NINL: variants seen among roughly 807,000 people sequenced by gnomAD.
NINL encodes ninein-like protein.
A neutral mutation model predicts 160.3 loss-of-function variants in NINL; 153 were observed. The observed-to-expected ratio is 0.95, with a 90% CI of 0.84 to 1.09. The LOEUF (loss-of-function observed/expected upper bound fraction) is 1.09, where lower values mean the gene tolerates loss of function less well. Ranked by LOEUF, NINL falls within the 50% of genes least tolerant of loss-of-function variation. The pLI, the probability that NINL is intolerant of heterozygous loss-of-function variation, is 0.00. For synonymous variants in NINL, 800 were observed against 734.8 expected, an observed-to-expected ratio of 1.09 and a Z score of -1.43; for missense variants, 1,829 against 1,764.0, an observed-to-expected ratio of 1.04 and a Z score of -0.66.
chr20:25,582,210 G>A (rs1453722675), intron 1 of NINL, among the ~76,000 whole-genome samples: 1 of 152,122 alleles, frequency 6.6e-6, no homozygotes, highest in Admixed American at 6.5e-5. Flanking sequence ...AGCCGAGATC[G>A]CGCCACTGCA....
chr20:25,466,318 G>A (rs953793757), intron 19 of NINL, among the ~76,000 whole-genome samples: 2 of 151,970 alleles, frequency 1.3e-5, no homozygotes, highest in African/African-American at 4.8e-5. Flanking sequence ...CACTGCACCC[G>A]GCCTGTAACT....
At chr20:25,499,648 G>T (rs1225162162) in intron 8 of NINL, among the ~76,000 whole-genome samples, 2 of 152,126 alleles carry the variant, frequency 1.3e-5, no homozygotes, top group African/African-American at 4.8e-5. Flanking sequence ...CATCTTGGGG[G>T]ACTCGGTAAC....
At chr20:25,497,858 C>G (rs544450789) in intron 9 of NINL, among the ~76,000 whole-genome samples, 1 of 152,286 alleles carries the variant, frequency 6.6e-6, no homozygotes, top group East Asian at 1.9e-4. Flanking sequence ...TCAGTGGGGG[C>G]CCCCAACATA....
intron 1 of NINL, among the ~76,000 whole-genome samples, chr20:25,543,463 G>A (rs1003641490): frequency 6.6e-6 from 1 of 152,190 alleles, no homozygotes; most frequent in African/African-American, 2.4e-5. Flanking sequence ...AGGTAGGAGT[G>A]AGGCAGGAGA....
At chr20:25,568,118 A>AAT (rs2065014927) in intron 1 of NINL, among the ~76,000 whole-genome samples, 1 of 152,024 alleles carries the variant, frequency 6.6e-6, no homozygotes, top group African/African-American at 2.4e-5. Flanking sequence ...ATAGAAAAAA[A>AAT]ATCAGTAAAA....
At chr20:25,489,352 G>A (rs781447347) in intron 12 of NINL, 28 bp from the exon 13 acceptor site, 17 of 1,607,620 alleles carry the variant, frequency 1.1e-5, no homozygotes, top group Admixed American at 5.0e-5. Context: ...AGGAAGTCAC[G>A]GGTGGGCCTC....
intron 4 of NINL, among the ~76,000 whole-genome samples, chr20:25,511,843 C>A (rs954538237): frequency 1.3e-5 from 2 of 152,230 alleles, no homozygotes; most frequent in African/African-American, 4.8e-5. Context: ...TTTGTCTCCA[C>A]AAATGTTGAA....
Position 25,476,086 on chromosome 20 carries a change from C to G in NINL, c.3205G>C (p.Val1069Leu), listed in dbSNP as rs754441013. 19 of 1,613,866 alleles carry G rather than the reference C, an allele frequency of 1.2e-5. No individual in the cohort carries two copies. Among genetic ancestry groups the G allele is most frequent in the Non-Finnish European group, 1.4e-5 (17 of 1,179,830 alleles). ...TCTACATGTTTCTCCAGAGCCCGGA[C>G]GACGTCTTCCAGATGTAGAAGTTTG... ...ETKLLHLEDV[V>L]RALEKHVDLR... The change falls in exon 17 of 24, where the codon GTC (valine) becomes CTC (leucine). Residue 1069 changes from valine to leucine, a missense_variant. Transcript: ENST00000278886.
chr20:25,578,271 C>T (rs2065138368), intron 1 of NINL, among the ~76,000 whole-genome samples: 1 of 151,728 alleles, frequency 6.6e-6, no homozygotes, highest in African/African-American at 2.4e-5. Flanking sequence ...CCACACCTGG[C>T]TAATTTTTCT....
chr20:25,453,823 G>A (rs1223187485), intron 23 of NINL, among the ~76,000 whole-genome samples, 181 bp from the exon 24 acceptor site: 2 of 152,110 alleles, frequency 1.3e-5, no homozygotes, highest in Non-Finnish European at 2.9e-5. Flanking sequence ...GGCTGAGGTG[G>A]GCAGATCCCA....
chr20:25,512,384 T>C (rs1319035052), intron 4 of NINL, among the ~76,000 whole-genome samples: 2 of 152,214 alleles, frequency 1.3e-5, no homozygotes, highest in Non-Finnish European at 2.9e-5. Flanking sequence ...GAGTTGGTGG[T>C]AGTATCGGGA....
At chr20:25,555,850 T>G (rs757312954) in intron 1 of NINL, among the ~76,000 whole-genome samples, 1 of 152,156 alleles carries the variant, frequency 6.6e-6, no homozygotes, top group African/African-American at 2.4e-5. Flanking sequence ...AATTTTTGTA[T>G]TTTTAGTAGA....
intron 1 of NINL, among the ~76,000 whole-genome samples, chr20:25,554,792 G>A (rs2064848808): frequency 6.6e-6 from 1 of 152,108 alleles, no homozygotes; most frequent in African/African-American, 2.4e-5. Context: ...GAGTGACAGA[G>A]CAAAACCATC....
chr20:25,458,579 C>A, intron 21 of NINL, 50 bp from the exon 22 acceptor site: 1 of 1,483,668 alleles, frequency 6.7e-7, no homozygotes, highest in Non-Finnish European at 8.9e-7. Context: ...AGACGCGGCA[C>A]AGAGGAGCAC....
rs758809515 is a variant in NINL, at chr20:25,476,261, G to T, written c.3030C>A (p.His1010Gln). The T allele has an allele frequency of 3.7e-6, 6 of 1,613,880 alleles. No individual in the cohort carries two copies. Among genetic ancestry groups the T allele is most frequent in the Non-Finnish European group, 5.1e-6 (6 of 1,179,986 alleles). The change falls in exon 17 of 24, where the codon CAC becomes CAA. Residue 1010 changes from histidine to glutamine, a missense_variant. His to Gln is a conservative substitution (Grantham distance 24). Transcript: ENST00000278886. Reference sequence around the variant, plus strand: ...TCCTGGCAACCTCCACACTGTGCTTGTGACACCCAGGCTCCAGGGCGCCCT... The same window carrying T: ...TCCTGGCAACCTCCACACTGTGCTTTTGACACCCAGGCTCCAGGGCGCCCT... ...RAEGALEPGC[H>Q]KHSVEVARRG...
intron 19 of NINL, 114 bp downstream of exon 19, chr20:25,467,275 G>T: frequency 1.0e-6 from 1 of 968,114 alleles, no homozygotes; most frequent in Non-Finnish European, 1.7e-6. Flanking sequence ...GCAACTCACT[G>T]TCAAGTCTTT....
intron 1 of NINL, among the ~76,000 whole-genome samples, chr20:25,547,233 G>A (rs1450363727): frequency 6.6e-6 from 1 of 152,096 alleles, no homozygotes; most frequent in African/African-American, 2.4e-5. Context: ...GACCAACCCT[G>A]GGATTAGGAT....
intron 12 of NINL, 39 bp from the exon 13 acceptor site, chr20:25,489,363 G>C (rs1022918530): frequency 1.3e-6 from 2 of 1,570,992 alleles, no homozygotes; most frequent in Non-Finnish European, 1.7e-6. Context: ...GGTGGGCCTC[G>C]GGCCAGAGGG....
At chr20:25,564,608 G>A (rs78717453) in intron 1 of NINL, among the ~76,000 whole-genome samples, 13,453 of 151,694 alleles carry the variant, frequency 0.089, 989 homozygotes, top group African/African-American at 0.2. Flanking sequence ...GTGAGCCACC[G>A]CGCCCGGCCA....
Sources: allele counts gnomAD v4.1 joint callset (sites outside exome capture counted in the v4.1 genomes callset), GRCh38; gene constraint gnomAD v4.1.1; transcripts MANE v1.5; gene names NCBI Gene and HGNC (gene_info 2026-07-23, HGNC 2026-07-21).